YAP1: variants seen among roughly 807,000 people sequenced by gnomAD.
The protein encoded by YAP1 is transcriptional coactivator YAP1.
YAP1 carries 5 observed loss-of-function variants against 56.9 expected under a neutral mutation model. The ratio of observed to expected loss-of-function variants is 0.09; its 90% confidence interval spans 0.05 to 0.18. The LOEUF is 0.18. Ranked by LOEUF, YAP1 falls within the 10% of genes least tolerant of loss-of-function variation. The pLI, the probability that YAP1 is intolerant of heterozygous loss-of-function variation, is 1.00. For synonymous variants in YAP1, 265 were observed against 248.1 expected (o/e 1.07, Z -0.64); for missense variants, 539 against 651.8 (o/e 0.83, Z 1.88).
At chr11:102,224,485 C>T (rs144208389) in intron 7 of YAP1, among the ~76,000 whole-genome samples, 5 of 152,282 alleles carry the variant, frequency 3.3e-5, no homozygotes, top group East Asian at 3.9e-4. Flanking sequence ...GATTAGTTTA[C>T]GCTTTGGATT....
chr11:102,158,040 G>A (rs560388968), intron 2 of YAP1, among the ~76,000 whole-genome samples: 6 of 152,260 alleles, frequency 3.9e-5, no homozygotes, highest in South Asian at 2.1e-4. Flanking sequence ...CTGACATCAC[G>A]AAATCTTAGC....
chr11:102,179,781 A>G (rs58087636), intron 3 of YAP1, among the ~76,000 whole-genome samples: 2,162 of 152,254 alleles, frequency 0.014, 67 homozygotes, highest in African/African-American at 0.049. Flanking sequence ...TCCATCAGAT[A>G]GGGACTATGT....
intron 2 of YAP1, among the ~76,000 whole-genome samples, chr11:102,124,831 G>A (rs1943930916): frequency 6.6e-6 from 1 of 152,150 alleles, no homozygotes; most frequent in South Asian, 2.1e-4. Context: ...TGCCCCTGGA[G>A]CTCAAGCGAT....
chr11:102,130,141 A>T (rs35450464), intron 2 of YAP1, among the ~76,000 whole-genome samples: 39,423 of 151,968 alleles, frequency 0.26, 5,169 homozygotes, highest in East Asian at 0.34. Flanking sequence ...GTCAGAGAAG[A>T]GGGTTTTCTG....
intron 4 of YAP1, among the ~76,000 whole-genome samples, chr11:102,189,749 G>A (rs756064301): frequency 1.3e-5 from 2 of 152,068 alleles, no homozygotes; most frequent in Non-Finnish European, 2.9e-5. Context: ...TTACTATAAT[G>A]TCTTGAAATA....
intron 4 of YAP1, among the ~76,000 whole-genome samples, chr11:102,200,780 G>T (rs1193230429): frequency 6.6e-6 from 1 of 152,092 alleles, no homozygotes; most frequent in African/African-American, 2.4e-5. Context: ...GCAAAAAGAT[G>T]ACAATCTGAG....
At chr11:102,167,249 C>T (rs1285664766) in intron 3 of YAP1, among the ~76,000 whole-genome samples, 1 of 151,832 alleles carries the variant, frequency 6.6e-6, no homozygotes, top group South Asian at 2.1e-4. Context: ...ATTTAAGTGG[C>T]AGGGTAAATG....
chr11:102,181,772 GA>G (rs1947640394), intron 3 of YAP1, among the ~76,000 whole-genome samples: 1 of 152,182 alleles, frequency 6.6e-6, no homozygotes, highest in Non-Finnish European at 1.5e-5. Flanking sequence ...ATAAATTTGA[GA>G]AATACTTCTG....
chr11:102,111,022 C>T lies in YAP1; in HGVS notation c.174C>T (p.Arg58=), dbSNP rs1157132035. 1.2e-6 allele frequency: 2 copies of T among 1,607,744 alleles called. No individual in the cohort carries two copies. Among genetic ancestry groups the T allele is most frequent in the Non-Finnish European group, 8.5e-7 (1 of 1,177,798 alleles). ...PPAGHQIVHV[R]GDSETDLEAL... ...CCGGGCATCAGATCGTGCACGTCCGCGGGGACTCGGAGACCGACCTGGAGG... is the reference window on the plus strand; with the variant it reads ...CCGGGCATCAGATCGTGCACGTCCGTGGGGACTCGGAGACCGACCTGGAGG... Residue 58 remains arginine (R), a synonymous_variant, in exon 1 of 9, where the codon CGC becomes CGT. Transcript: ENST00000282441.
intron 2 of YAP1, among the ~76,000 whole-genome samples, chr11:102,115,360 C>G (rs1943212677): frequency 6.6e-6 from 1 of 152,132 alleles, no homozygotes; most frequent in African/African-American, 2.4e-5. Flanking sequence ...ACAGTCTACT[C>G]CTAAGGCAAA....
At chr11:102,195,763 G>A (rs1022772052) in intron 4 of YAP1, among the ~76,000 whole-genome samples, 22 of 152,184 alleles carry the variant, frequency 1.4e-4, no homozygotes, top group Non-Finnish European at 3.2e-4. Flanking sequence ...CTGTAAATCT[G>A]TTAAACCTCT....
chr11:102,209,642 C>A, intron 6 of YAP1, 78 bp downstream of exon 6: 1 of 1,347,074 alleles, frequency 7.4e-7, no homozygotes, highest in Non-Finnish European at 1.0e-6. Context: ...ACTTACATTC[C>A]AGGGTCCTGT....
intron 4 of YAP1, among the ~76,000 whole-genome samples, chr11:102,197,128 A>G (rs1337681219): frequency 6.6e-6 from 1 of 152,214 alleles, no homozygotes; most frequent in Non-Finnish European, 1.5e-5. Context: ...TTTCTTTTAA[A>G]AAGTCTACTG....
chr11:102,167,139 CTG>C (rs1946659116), intron 3 of YAP1, among the ~76,000 whole-genome samples: 1 of 152,162 alleles, frequency 6.6e-6, no homozygotes, highest in African/African-American at 2.4e-5. Flanking sequence ...ATATCTATAA[CTG>C]AGAATCACCC....
intron 2 of YAP1, among the ~76,000 whole-genome samples, chr11:102,133,079 A>ACC (rs1265795995): frequency 6.6e-6 from 1 of 152,138 alleles, no homozygotes; most frequent in African/African-American, 2.4e-5. Context: ...AATCACTTGA[A>ACC]CCAGAGAGTT....
intron 2 of YAP1, among the ~76,000 whole-genome samples, chr11:102,128,552 A>G (rs1944178064): frequency 6.6e-6 from 1 of 152,228 alleles, no homozygotes; most frequent in African/African-American, 2.4e-5. Flanking sequence ...AGCGTTGTGA[A>G]AATGAACTAA....
intron 3 of YAP1, among the ~76,000 whole-genome samples, chr11:102,163,093 T>C (rs1946392541): frequency 6.6e-6 from 1 of 151,944 alleles, no homozygotes; most frequent in Non-Finnish European, 1.5e-5. Context: ...CCCAAAAGAA[T>C]ATTTCTTATT....
chr11:102,209,605 A>G (rs749614001), intron 6 of YAP1, 41 bp downstream of exon 6: 2 of 1,530,544 alleles, frequency 1.3e-6, no homozygotes, highest in Non-Finnish European at 1.8e-6. Flanking sequence ...AAAAAAAAAA[A>G]AAAAGATATT....
chr11:102,151,903 A>T (rs964338215), intron 2 of YAP1, among the ~76,000 whole-genome samples: 2 of 152,042 alleles, frequency 1.3e-5, no homozygotes, highest in Admixed American at 6.6e-5. Context: ...GTGAGGGAGG[A>T]TTGGGCTACA....
Sources: allele counts gnomAD v4.1 joint callset (sites outside exome capture counted in the v4.1 genomes callset), GRCh38; gene constraint gnomAD v4.1.1; transcripts MANE v1.5; gene names NCBI Gene and HGNC (gene_info 2026-07-23, HGNC 2026-07-21).